Variants in EPRS1 observed in about 807,000 individuals in gnomAD.
The protein encoded by EPRS1 is bifunctional glutamate/proline--tRNA ligase.
EPRS1 carries 107 observed loss-of-function variants against 188.3 expected under a neutral mutation model. That is an observed-to-expected ratio of 0.57 (90% confidence interval 0.49 to 0.67). EPRS1 has a LOEUF of 0.67. Among genes scored for constraint, EPRS1 ranks in the 30% least tolerant of loss-of-function variants. The pLI, the probability that EPRS1 is intolerant of heterozygous loss-of-function variation, is 0.00. For missense variants in EPRS1, 1,577 were observed against 1,802.2 expected (o/e 0.88, Z 2.26); for synonymous variants, 596 against 593.1 (o/e 1.00, Z -0.07).
At chr1:220,008,924 C>T (rs1661549194) in intron 13 of EPRS1, among the ~76,000 whole-genome samples, 2 of 152,148 alleles carry the variant, frequency 1.3e-5, no homozygotes, top group South Asian at 4.1e-4. Flanking sequence ...GATCTTCCCA[C>T]CTCCACCTCT....
At position 220,019,910 on chromosome 1, in the gene EPRS1, C is replaced by G. The variant is rs1661828179; in HGVS notation, c.1349+78G>C. The G allele has an allele frequency of 5.2e-6, 5 of 961,854 alleles. No homozygotes were observed. The East Asian group carries it at 1.2e-4, about 23-fold the overall frequency. The allele number at this position is 961,854 out of a possible 1,614,324, so 59.6% of individuals were successfully genotyped here. A position where few individuals can be genotyped will look rare whatever the true frequency, so the allele number is the denominator to read the frequency against. On this transcript the variant is annotated intron_variant, in intron 10 of 31. Transcript: ENST00000366923. ...TTCCCCCTCCTCCCAATCACCTTCC[C>G]TATCTCTCAAGCAGTTTAAAAATCA...
intron 9 of EPRS1, among the ~76,000 whole-genome samples, chr1:220,020,793 T>C (rs1661857921): frequency 6.9e-6 from 1 of 144,968 alleles, no homozygotes; most frequent in Non-Finnish European, 1.5e-5. Context: ...TAAGATAATG[T>C]ATACAATTTA....
chr1:220,034,430 G>A lies in EPRS1; in HGVS notation c.231+484C>T, dbSNP rs1451506809. Among the ~76,000 whole-genome samples, 7 of 152,052 alleles carry A rather than the reference G, an allele frequency of 4.6e-5. No individual in the cohort carries two copies. In the East Asian group the frequency reaches 5.8e-4, roughly 13 times the overall value. On this transcript the variant is annotated intron_variant, in intron 3 of 31. Coordinates refer to ENST00000366923, the MANE Select transcript of EPRS1 (RefSeq NM_004446.3). ...TGCCTAATAACACATTTCTCAGAAC[G>A]CATCCCATTGTTAAGAGGCACATGA... is the stretch of plus-strand genomic sequence containing the variant.
At chr1:219,994,704 A>T in intron 18 of EPRS1, among the ~76,000 whole-genome samples, 1 of 139,414 alleles carries the variant, frequency 7.2e-6, no homozygotes, top group African/African-American at 2.7e-5. Context: ...AGGCTGGAGT[A>T]CAGTGGCACA....
chr1:220,003,353 T>G (rs1281441342), intron 16 of EPRS1, among the ~76,000 whole-genome samples: 1 of 152,208 alleles, frequency 6.6e-6, no homozygotes, highest in Non-Finnish European at 1.5e-5. Flanking sequence ...AAATATTTTC[T>G]CCCATTCTGT....
intron 3 of EPRS1, among the ~76,000 whole-genome samples, chr1:220,033,998 C>T (rs1184769858): frequency 6.6e-6 from 1 of 151,548 alleles, no homozygotes; most frequent in African/African-American, 2.4e-5. Flanking sequence ...TGGTACCTAG[C>T]CAAACAGATT....
chr1:220,020,852 A>G (rs1207608434), intron 9 of EPRS1, among the ~76,000 whole-genome samples: 1 of 66,738 alleles, frequency 1.5e-5, no homozygotes, highest in African/African-American at 6.2e-5. Context: ...ATATATATAT[A>G]TATATATATA....
chr1:220,046,268 G>A, intron 1 of EPRS1, 75 bp downstream of exon 1: 2 of 1,577,242 alleles, frequency 1.3e-6, no homozygotes, highest in Non-Finnish European at 1.7e-6. Flanking sequence ...CAAAGCCGGG[G>A]CGCAGCGACC....
chr1:220,039,391 T>C (rs1279945766), intron 2 of EPRS1, among the ~76,000 whole-genome samples: 2 of 152,140 alleles, frequency 1.3e-5, no homozygotes, highest in African/African-American at 4.8e-5. Flanking sequence ...ACAGACTACA[T>C]GGGGAATCAG....
At chr1:220,039,733 T>A (rs897591354) in intron 2 of EPRS1, among the ~76,000 whole-genome samples, 1 of 152,216 alleles carries the variant, frequency 6.6e-6, no homozygotes, top group African/African-American at 2.4e-5. Flanking sequence ...TTACCCAGGA[T>A]GGTCTCGATC....
At chr1:220,034,876 T>C (rs1662148321) in intron 3 of EPRS1, 38 bp downstream of exon 3, 6 of 1,151,008 alleles carry the variant, frequency 5.2e-6, no homozygotes, top group Non-Finnish European at 7.9e-6. Context: ...AACAGAAGCA[T>C]AAGACAAAAC....
chr1:220,032,392 G>C lies in EPRS1; in HGVS notation c.523C>G (p.Arg175Gly). ...TKWDVSTTKA[R>G]VAPEKKQDVG... The stretch of plus-strand genomic sequence containing the variant: ...AAAAAGAAAAAAAGGCTTACCACTC[G>C]AGCTTTGGTTGTTGAAACATCCCAC... The change falls in exon 5 of 32, where the codon CGA becomes GGA. Residue 175 changes from arginine (R) to glycine (G), a missense_variant. Arg to Gly is a moderately radical substitution (Grantham distance 125). Coordinates refer to ENST00000366923, the MANE Select transcript of EPRS1 (RefSeq NM_004446.3). 2 of 1,590,566 alleles carry C rather than the reference G, an allele frequency of 1.3e-6. No individual in the cohort carries two copies. The highest frequency in any genetic ancestry group is 1.7e-6 in the Non-Finnish European group (2 of 1,173,464).
In EPRS1 at chr1:220,046,371, C is replaced by T; in HGVS notation, c.18G>A (p.Leu6=). Residue 6 remains leucine (L), a synonymous_variant, in exon 1 of 32, where the codon CTG becomes CTA. Coordinates refer to ENST00000366923, the MANE Select transcript of EPRS1 (RefSeq NM_004446.3). ...GCGGAGGGTCTCCTGAATTCACGGT[C>T]AGAGAGAGCGTCGCCATCTCCACCA... is the stretch of plus-strand genomic sequence containing the variant. MATLS[L]TVNSGDPPLG... 1.2e-6 allele frequency: 2 copies of T among 1,614,082 alleles called. No homozygotes were observed. The highest frequency in any genetic ancestry group is 2.2e-5 in the East Asian group (1 of 44,874).
intron 28 of EPRS1, among the ~76,000 whole-genome samples, chr1:219,976,398 TC>T (rs1660780976): frequency 3.3e-5 from 5 of 152,194 alleles, no homozygotes; most frequent in African/African-American, 9.7e-5. Context: ...GTCAGACAGC[TC>T]CTGAAAGCTG....
At chr1:219,989,639 C>T (rs1229109925) in intron 18 of EPRS1, among the ~76,000 whole-genome samples, 1 of 152,184 alleles carries the variant, frequency 6.6e-6, no homozygotes, top group Non-Finnish European at 1.5e-5. Flanking sequence ...GAAGAATACT[C>T]AAATGGGCAT....
chr1:219,974,508 G>T (rs771044218), intron 28 of EPRS1, among the ~76,000 whole-genome samples: 10 of 151,946 alleles, frequency 6.6e-5, no homozygotes, highest in Non-Finnish European at 1.2e-4. Flanking sequence ...TAATTTTTTT[G>T]AATGAATAAT....
rs1279146561 is a variant in EPRS1 at position 220,046,428 on chromosome 1, T to G, written c.-40A>C. 6.2e-7 allele frequency: 1 copy of G among 1,612,968 alleles called. No homozygotes were observed. Among genetic ancestry groups the G allele is most frequent in the South Asian group, 1.1e-5 (1 of 90,884 alleles). On this transcript the variant is annotated 5_prime_UTR_variant, in exon 1 of 32. Coordinates refer to ENST00000366923, the MANE Select transcript of EPRS1 (RefSeq NM_004446.3). ...TGGTCCACCTGTCAGTACGCCTGGC[T>G]CGTGCCAGAACTACGGAGGACCCCG... is the stretch of plus-strand genomic sequence containing the variant.
intron 18 of EPRS1, among the ~76,000 whole-genome samples, chr1:219,996,672 T>G (rs1661240325): frequency 1.3e-5 from 2 of 152,146 alleles, no homozygotes; most frequent in Non-Finnish European, 2.9e-5. Context: ...TTATAAATGG[T>G]TTCCACCTTT....
intron 19 of EPRS1, among the ~76,000 whole-genome samples, 177 bp from the exon 20 acceptor site, chr1:219,987,581 A>C (rs1468381070): frequency 6.6e-6 from 1 of 151,774 alleles, no homozygotes; most frequent in African/African-American, 2.4e-5. Context: ...GAGTGTGAAA[A>C]CCCAACCATC....
Sources: gnomAD v4.1 joint callset for allele counts (sites outside exome capture counted in the v4.1 genomes callset) on GRCh38, gnomAD v4.1.1 for gene constraint, MANE v1.5 for transcripts, NCBI Gene and HGNC (gene_info 2026-07-23, HGNC 2026-07-21) for gene names.